Variants in TNRC6A observed in about 807,000 individuals in gnomAD.
TNRC6A encodes trinucleotide repeat-containing gene 6A protein.
A neutral mutation model predicts 221.2 loss-of-function variants in TNRC6A; 44 were observed. The observed-to-expected ratio is 0.20, with a 90% CI of 0.16 to 0.26. The LOEUF is 0.26. Ranked by LOEUF, TNRC6A falls within the 10% of genes least tolerant of loss-of-function variation. The pLI is 1.00. For synonymous variants in TNRC6A, 847 were observed against 838.5 expected, an observed-to-expected ratio of 1.01 and a Z score of -0.18; for missense variants, 2,199 against 2,404.4, an observed-to-expected ratio of 0.91 and a Z score of 1.79.
chr16:24,813,198 G>T (rs2058585286), intron 18 of TNRC6A, among the ~76,000 whole-genome samples: 1 of 151,968 alleles, frequency 6.6e-6, no homozygotes, highest in South Asian at 2.1e-4. Flanking sequence ...TAGATTCAGG[G>T]GGTACAAGTT....
At chr16:24,687,825 A>AGAATAG (rs2055658193) in intron 2 of TNRC6A, among the ~76,000 whole-genome samples, 1 of 134,776 alleles carries the variant, frequency 7.4e-6, no homozygotes, top group African/African-American at 3.0e-5. Context: ...AGGAAGAGGA[A>AGAATAG]GAAGAGGAAG....
chr16:24,728,036 A>G (rs985572113), upstream of TNRC6A, among the ~76,000 whole-genome samples: 41 of 152,362 alleles, frequency 2.7e-4, no homozygotes, highest in Middle Eastern at 6.8e-3. Flanking sequence ...GTTTTGGTGC[A>G]TATGTTTCAT....
intron 6 of TNRC6A, among the ~76,000 whole-genome samples, chr16:24,792,816 G>A (rs547713482): frequency 6.9e-6 from 1 of 145,790 alleles, no homozygotes; most frequent in South Asian, 2.2e-4. Context: ...GGAGATGGAG[G>A]CTTTCTCCGT....
intron 4 of TNRC6A, among the ~76,000 whole-genome samples, chr16:24,766,672 A>AT (rs2057478582): frequency 7.7e-6 from 1 of 129,182 alleles, no homozygotes; most frequent in African/African-American, 2.9e-5. Context: ...TTTTCTTTTT[A>AT]TCTTTTTTTT....
chr16:24,736,222 C>G (rs1325284296), intron 2 of TNRC6A, among the ~76,000 whole-genome samples: 1 of 152,162 alleles, frequency 6.6e-6, no homozygotes, highest in Admixed American at 6.5e-5. Context: ...AATGTTGCAA[C>G]TAATACCTGT....
intron 2 of TNRC6A, among the ~76,000 whole-genome samples, chr16:24,655,998 C>G (rs1416022919): frequency 6.6e-6 from 1 of 151,318 alleles, no homozygotes; most frequent in African/African-American, 2.4e-5. Flanking sequence ...TAAAAATTAG[C>G]CAGGCATGGT....
At chr16:24,685,190 A>G (rs1009513509) in intron 2 of TNRC6A, among the ~76,000 whole-genome samples, 1 of 152,184 alleles carries the variant, frequency 6.6e-6, no homozygotes, top group East Asian at 1.9e-4. Context: ...GGGGCCCGAC[A>G]TAGTGCTTAG....
At chr16:24,670,150 G>A (rs565189712) in intron 2 of TNRC6A, among the ~76,000 whole-genome samples, 63 of 151,584 alleles carry the variant, frequency 4.2e-4, no homozygotes, top group African/African-American at 1.5e-3. Context: ...GGGTTTCACC[G>A]TGTTGCCCAG....
At chr16:24,641,465 G>A (rs1159777083) in intron 2 of TNRC6A, among the ~76,000 whole-genome samples, 1 of 152,152 alleles carries the variant, frequency 6.6e-6, no homozygotes, top group South Asian at 2.1e-4. Flanking sequence ...GGTAGGAGGG[G>A]TCTGCTGGAT....
chr16:24,622,799 T>C (rs1012071910), intron 1 of TNRC6A, among the ~76,000 whole-genome samples: 3 of 152,214 alleles, frequency 2.0e-5, no homozygotes, highest in Non-Finnish European at 4.4e-5. Context: ...AGTTCTATTA[T>C]ATGGTGGAAC....
intron 8 of TNRC6A, among the ~76,000 whole-genome samples, 158 bp downstream of exon 8, chr16:24,794,877 A>G (rs1401917030): frequency 6.6e-6 from 1 of 152,070 alleles, no homozygotes; most frequent in African/African-American, 2.4e-5. Flanking sequence ...ACCTAGAGAA[A>G]CATAAGAAAG....
At chr16:24,690,407 T>G (rs17769886) in intron 2 of TNRC6A, among the ~76,000 whole-genome samples, 15,216 of 152,070 alleles carry the variant, frequency 0.1, 968 homozygotes, top group Middle Eastern at 0.18. Flanking sequence ...AAAGTGGAGG[T>G]TTTTTTCCTC....
chr16:24,730,094 C>G (rs1012924459), intron 1 of TNRC6A, among the ~76,000 whole-genome samples, 159 bp from the exon 2 acceptor site: 2 of 150,334 alleles, frequency 1.3e-5, no homozygotes, highest in Non-Finnish European at 3.0e-5. Context: ...GCAGTCCGGG[C>G]TGCAGCCCCG....
chr16:24,648,419 C>T (rs1016816327), intron 2 of TNRC6A, among the ~76,000 whole-genome samples: 15 of 151,908 alleles, frequency 9.9e-5, no homozygotes, highest in Admixed American at 9.2e-4. Context: ...TACAGGTGCC[C>T]ACCACCACGC....
At chr16:24,689,262 C>T (rs933723943) in intron 2 of TNRC6A, among the ~76,000 whole-genome samples, 3 of 152,322 alleles carry the variant, frequency 2.0e-5, no homozygotes, top group Admixed American at 6.5e-5. Flanking sequence ...ACAAGCAACA[C>T]ATGTTCTTCC....
intron 17 of TNRC6A, among the ~76,000 whole-genome samples, chr16:24,807,827 G>T (rs890572330): frequency 4.0e-5 from 6 of 151,846 alleles, no homozygotes; most frequent in African/African-American, 1.5e-4. Context: ...GTGGTTTCTT[G>T]TAAACCAGCT....
At chr16:24,625,392 T>C (rs528185595) in intron 1 of TNRC6A, among the ~76,000 whole-genome samples, 43 of 152,222 alleles carry the variant, frequency 2.8e-4, no homozygotes, top group African/African-American at 1.0e-3. Flanking sequence ...GGCGGGCGGA[T>C]CACAAGGTCA....
At chr16:24,716,658 G>A (rs1016439805) in intron 2 of TNRC6A, among the ~76,000 whole-genome samples, 5 of 151,864 alleles carry the variant, frequency 3.3e-5, no homozygotes, top group African/African-American at 7.3e-5. Flanking sequence ...AAGTGAGACC[G>A]TCTCTCAAAA....
chr16:24,682,585 A>G (rs1465286460), intron 2 of TNRC6A, among the ~76,000 whole-genome samples: 4 of 152,132 alleles, frequency 2.6e-5, no homozygotes, highest in African/African-American at 9.7e-5. Context: ...GCAAGGATCC[A>G]CAGGACTAAT....
Sources: allele counts gnomAD v4.1 joint callset (sites outside exome capture counted in the v4.1 genomes callset), GRCh38; gene constraint gnomAD v4.1.1; transcripts MANE v1.5; gene names NCBI Gene and HGNC (gene_info 2026-07-23, HGNC 2026-07-21).